Variants in PLXDC2 observed in about 807,000 individuals in gnomAD.
PLXDC2 encodes the protein plexin domain containing 2.
In PLXDC2, 40 loss-of-function variants were observed where a neutral mutation model predicts 68.9. That is an observed-to-expected ratio of 0.58 (90% CI 0.45 to 0.76). PLXDC2 has a LOEUF of 0.76. Among genes scored for constraint, PLXDC2 ranks in the 30% least tolerant of loss-of-function variants. PLXDC2 has a pLI of 0.00. For missense variants in PLXDC2, 644 were observed against 661.9 expected (o/e 0.97, Z 0.30); for synonymous variants, 243 against 234.2 (o/e 1.04, Z -0.34).
chr10:20,199,317 A>G (rs1022440367), intron 9 of PLXDC2, among the ~76,000 whole-genome samples: 1 of 151,988 alleles, frequency 6.6e-6, no homozygotes, highest in Non-Finnish European at 1.5e-5. Flanking sequence ...AAATATGCTA[A>G]ACACTGAAGC....
intron 1 of PLXDC2, among the ~76,000 whole-genome samples, chr10:19,949,994 T>C (rs1222423834): frequency 1.3e-5 from 2 of 152,290 alleles, no homozygotes; most frequent in Non-Finnish European, 2.9e-5. Context: ...CTTAATAAAG[T>C]AGACAGCAAA....
chr10:19,925,496 G>A (rs11011680), intron 1 of PLXDC2, among the ~76,000 whole-genome samples: 18,534 of 152,190 alleles, frequency 0.12, 1,237 homozygotes, highest in Admixed American at 0.13. Flanking sequence ...TGAAAATAAG[G>A]CCACTATCTG....
chr10:20,173,815 T>G lies in PLXDC2; in HGVS notation c.884-3184T>G, dbSNP rs1272439077. Among the ~76,000 whole-genome samples, 7 of 152,334 alleles carry G rather than the reference T, an allele frequency of 4.6e-5. No individual in the cohort carries two copies. The East Asian group carries it at 1.3e-3, about 29-fold the overall frequency. ...TGGCAGGGGTAACCACAATTCTAAT[T>G]ACTTGTTTCTGACAGAGGTATCTCT... is the stretch of plus-strand genomic sequence containing the variant. On this transcript the variant is annotated intron_variant, in intron 7 of 13. Coordinates refer to ENST00000377252, the MANE Select transcript of PLXDC2 (RefSeq NM_032812.9).
intron 3 of PLXDC2, among the ~76,000 whole-genome samples, chr10:20,064,298 G>A (rs2131702349): frequency 6.7e-6 from 1 of 149,974 alleles, no homozygotes; most frequent in South Asian, 2.1e-4. Context: ...TTGGCTCACT[G>A]AAAGCTCCAC....
intron 1 of PLXDC2, among the ~76,000 whole-genome samples, chr10:19,963,770 GGCACATGTATACATATGTAACAAACCT>G (rs2131604995): frequency 6.6e-6 from 1 of 151,994 alleles, no homozygotes; most frequent in African/African-American, 2.4e-5. Flanking sequence ...ACACCAACAT[GGCACATGTATACATATGTAACAAACCT>G]GCACATTGTG....
chr10:19,987,076 T>G (rs980409605), intron 1 of PLXDC2, among the ~76,000 whole-genome samples: 1 of 152,210 alleles, frequency 6.6e-6, no homozygotes, highest in Non-Finnish European at 1.5e-5. Flanking sequence ...TTTGTATTAA[T>G]TGAAACATAA....
At chr10:19,957,875 A>G (rs1177147797) in intron 1 of PLXDC2, among the ~76,000 whole-genome samples, 1 of 152,160 alleles carries the variant, frequency 6.6e-6, no homozygotes, top group East Asian at 1.9e-4. Context: ...TTACTGGGAC[A>G]GTAACATTTA....
intron 2 of PLXDC2, among the ~76,000 whole-genome samples, chr10:20,005,157 G>A (rs904547550): frequency 6.6e-6 from 1 of 152,182 alleles, no homozygotes; most frequent in Non-Finnish European, 1.5e-5. Flanking sequence ...CTCTAGGCTT[G>A]ACGTTGCTCT....
intron 2 of PLXDC2, among the ~76,000 whole-genome samples, chr10:20,008,843 CAG>C (rs1835066906): frequency 1.3e-5 from 2 of 152,160 alleles, no homozygotes; most frequent in African/African-American, 2.4e-5. Context: ...TTCCATAAAA[CAG>C]AGTTTCCCTG....
chr10:20,179,476 G>A (rs1258494289), intron 9 of PLXDC2, among the ~76,000 whole-genome samples: 2 of 151,926 alleles, frequency 1.3e-5, no homozygotes, highest in African/African-American at 4.8e-5. Context: ...CCCAAGATGA[G>A]GGACTTTCAA....
At chr10:19,905,762 A>AC (rs1434832286) in intron 1 of PLXDC2, among the ~76,000 whole-genome samples, 2 of 152,180 alleles carry the variant, frequency 1.3e-5, no homozygotes, top group Admixed American at 1.3e-4. Context: ...AAAATATTAG[A>AC]CTTTTTTCCT....
At chr10:20,035,448 G>A (rs1456442886) in intron 2 of PLXDC2, among the ~76,000 whole-genome samples, 2 of 152,136 alleles carry the variant, frequency 1.3e-5, no homozygotes, top group East Asian at 3.8e-4. Flanking sequence ...TGTAATCCCA[G>A]CATTTTGGGA....
intron 13 of PLXDC2, among the ~76,000 whole-genome samples, chr10:20,255,266 T>A (rs1835729144): frequency 1.3e-5 from 2 of 152,154 alleles, no homozygotes; most frequent in African/African-American, 4.8e-5. Flanking sequence ...GATGAAAGAA[T>A]CAGATGGATA....
At chr10:19,880,228 C>A (rs911506758) in intron 1 of PLXDC2, among the ~76,000 whole-genome samples, 7 of 152,118 alleles carry the variant, frequency 4.6e-5, no homozygotes, top group African/African-American at 1.7e-4. Flanking sequence ...AGACAAAAAC[C>A]CTATTATACT....
intron 9 of PLXDC2, among the ~76,000 whole-genome samples, chr10:20,197,287 A>T (rs920225925): frequency 6.6e-6 from 1 of 152,186 alleles, no homozygotes; most frequent in Non-Finnish European, 1.5e-5. Context: ...TGGCAATCAT[A>T]GTCTTCCTTC....
chr10:20,222,117 G>A (rs991519213), intron 12 of PLXDC2, among the ~76,000 whole-genome samples: 5 of 152,046 alleles, frequency 3.3e-5, no homozygotes, highest in African/African-American at 1.2e-4. Context: ...GTACTTTTCT[G>A]GAAAAAGGGT....
intron 1 of PLXDC2, among the ~76,000 whole-genome samples, chr10:19,995,166 T>G (rs1411952860): frequency 6.6e-6 from 1 of 152,160 alleles, no homozygotes; most frequent in Non-Finnish European, 1.5e-5. Context: ...GTATCAGTGG[T>G]CCCCAAGACT....
intron 1 of PLXDC2, among the ~76,000 whole-genome samples, chr10:19,970,761 G>A (rs1834336346): frequency 2.0e-5 from 3 of 152,186 alleles, no homozygotes; most frequent in Non-Finnish European, 2.9e-5. Context: ...GAATTTCTGG[G>A]GAGTGGGATG....
chr10:20,162,952 A>G (rs992872536), intron 6 of PLXDC2, among the ~76,000 whole-genome samples: 1 of 150,816 alleles, frequency 6.6e-6, no homozygotes, highest in Non-Finnish European at 1.5e-5. Context: ...GTGGTGACAC[A>G]CGCCTGTAAT....
Sources: allele counts gnomAD v4.1 joint callset (sites outside exome capture counted in the v4.1 genomes callset), GRCh38; gene constraint gnomAD v4.1.1; transcripts MANE v1.5; gene names NCBI Gene and HGNC (gene_info 2026-07-23, HGNC 2026-07-21).